Variants in KLF8 observed in about 807,000 individuals in gnomAD.
The protein encoded by KLF8 is KLF transcription factor 8, also known as Krueppel-like factor 8.
KLF8 carries 10 observed loss-of-function variants against 18.2 expected under a neutral mutation model. The ratio of observed to expected loss-of-function variants is 0.55; its 90% CI spans 0.34 to 0.93. KLF8 has a LOEUF of 0.93. Among genes scored for constraint, KLF8 ranks in the 40% least tolerant of loss-of-function variants. KLF8 has a pLI of 0.02. For missense variants in KLF8, 264 were observed against 277.9 expected (o/e 0.95, Z 0.36); for synonymous variants, 109 against 97.3 (o/e 1.12, Z -0.71).
the KLF8 span, among the ~76,000 whole-genome samples, chrX:55,927,998 T>A: frequency 8.9e-6 from 1 of 112,141 alleles, no homozygotes; most frequent in African/African-American, 3.2e-5. Flanking sequence ...TTGAGTTTTC[T>A]CAATATTTTC....
the KLF8 span, among the ~76,000 whole-genome samples, chrX:56,194,931 G>C: frequency 8.9e-6 from 1 of 112,360 alleles, no homozygotes; most frequent in Non-Finnish European, 1.9e-5. Context: ...GTGATACCCA[G>C]GCAAACAGGG....
chrX:56,096,211 C>T, the KLF8 span, among the ~76,000 whole-genome samples: 1 of 111,373 alleles, frequency 9.0e-6, no homozygotes, highest in South Asian at 3.7e-4. Flanking sequence ...CCAAATACTA[C>T]GTATTCTCAC....
At chrX:55,958,567 G>A in the KLF8 span, among the ~76,000 whole-genome samples, 1 of 111,410 alleles carries the variant, frequency 9.0e-6, no homozygotes, top group Admixed American at 9.6e-5. Context: ...TAAATCCCTG[G>A]TTAAGCATAT....
At chrX:55,940,240 C>T in the KLF8 span, among the ~76,000 whole-genome samples, 6 of 111,756 alleles carry the variant, frequency 5.4e-5, no homozygotes, top group East Asian at 2.8e-4. Context: ...AATGAATAAA[C>T]GTAATCCAGC....
At chrX:56,223,572 C>G in the KLF8 span, among the ~76,000 whole-genome samples, 4 of 112,655 alleles carry the variant, frequency 3.6e-5, no homozygotes, top group Non-Finnish European at 7.5e-5. Context: ...AGCAACTACT[C>G]TCTTTCAAAC....
upstream of KLF8, among the ~76,000 whole-genome samples, chrX:56,229,029 C>A (rs1200016715): frequency 9.0e-6 from 1 of 111,097 alleles, no homozygotes; most frequent in Non-Finnish European, 1.9e-5. Flanking sequence ...CCCTATTCTG[C>A]CCCACCTTCC....
chrX:56,050,266 C>T, the KLF8 span, among the ~76,000 whole-genome samples: 1 of 111,437 alleles, frequency 9.0e-6, no homozygotes, highest in Non-Finnish European at 1.9e-5. Context: ...TCTCTATTTC[C>T]TTCAGTTCTG....
At chrX:56,069,530 G>A in the KLF8 span, among the ~76,000 whole-genome samples, 1 of 111,620 alleles carries the variant, frequency 9.0e-6, no homozygotes, top group African/African-American at 3.3e-5. Flanking sequence ...CAGTAGGGAT[G>A]GCATCCCCAC....
the KLF8 span, among the ~76,000 whole-genome samples, chrX:55,971,581 G>A: frequency 1.5e-4 from 16 of 110,272 alleles, no homozygotes; most frequent in South Asian, 6.1e-3. Flanking sequence ...AATTTAAAAA[G>A]CTGTACAGCA....
At chrX:56,196,420 AAAAT>A in the KLF8 span, among the ~76,000 whole-genome samples, 4 of 111,176 alleles carry the variant, frequency 3.6e-5, no homozygotes, top group Non-Finnish European at 7.6e-5. Flanking sequence ...AAAAAAAATA[AAAAT>A]AAATAAAATA....
the KLF8 span, among the ~76,000 whole-genome samples, chrX:56,183,073 G>A: frequency 1.8e-5 from 2 of 112,336 alleles, no homozygotes; most frequent in African/African-American, 6.5e-5. Context: ...CAGAGCGGGA[G>A]TCTACAGAGG....
chrX:56,180,204 C>T, the KLF8 span, among the ~76,000 whole-genome samples: 4 of 110,975 alleles, frequency 3.6e-5, no homozygotes, highest in Admixed American at 9.6e-5. Flanking sequence ...TCAACTTCTT[C>T]GGAAGGTGTA....
the KLF8 span, among the ~76,000 whole-genome samples, chrX:56,060,191 T>C: frequency 8.9e-6 from 1 of 111,857 alleles, no homozygotes; most frequent in African/African-American, 3.3e-5. Context: ...TTCTCTTGCC[T>C]GATTGCCCTG....
At chrX:56,047,679 G>A in the KLF8 span, among the ~76,000 whole-genome samples, 8 of 111,166 alleles carry the variant, frequency 7.2e-5, no homozygotes, top group Non-Finnish European at 1.5e-4. Flanking sequence ...TGGACATTTG[G>A]CTTGGTTCCA....
chrX:55,993,970 G>T, the KLF8 span, among the ~76,000 whole-genome samples: 21 of 105,152 alleles, frequency 2.0e-4, no homozygotes, highest in East Asian at 6.3e-3. Context: ...GAGTGCAGTG[G>T]TGCGATCTCA....
At chrX:56,231,294 G>C (rs1433590261), upstream of KLF8, among the ~76,000 whole-genome samples, 1 of 111,887 alleles carries the variant, frequency 8.9e-6, no homozygotes. Flanking sequence ...AAGACATTCA[G>C]GCAGAAATAT....
chrX:56,054,261 A>G, the KLF8 span, among the ~76,000 whole-genome samples: 1 of 111,474 alleles, frequency 9.0e-6, no homozygotes, highest in Non-Finnish European at 1.9e-5. Flanking sequence ...CCTTAGCTGT[A>G]TTCTAGAGAT....
At chrX:55,932,164 GTTT>G in the KLF8 span, among the ~76,000 whole-genome samples, 1 of 109,149 alleles carries the variant, frequency 9.2e-6, no homozygotes, top group East Asian at 2.8e-4. Flanking sequence ...TTTAAGGTCT[GTTT>G]TATCAGAGAC....
chrX:56,284,139 A>G (rs1196523573), intron 5 of KLF8, among the ~76,000 whole-genome samples, 174 bp from the exon 6 acceptor site: 1 of 112,924 alleles, frequency 8.9e-6, no homozygotes, highest in Non-Finnish European at 1.9e-5. Context: ...TTGTACATTT[A>G]TACAGTGCTT....
Sources: allele counts gnomAD v4.1 joint callset (sites outside exome capture counted in the v4.1 genomes callset), GRCh38; gene constraint gnomAD v4.1.1; transcripts MANE v1.5; gene names NCBI Gene and HGNC (gene_info 2026-07-23, HGNC 2026-07-21).